The following SMAP2 variants were observed in gnomAD, a reference collection of about 807,000 sequenced individuals.
The protein encoded by SMAP2 is stromal membrane-associated protein 2.
A neutral mutation model predicts 56.4 loss-of-function variants in SMAP2; 25 were observed. The ratio of observed to expected loss-of-function variants is 0.44; its 90% CI spans 0.32 to 0.62. The LOEUF (loss-of-function observed/expected upper bound fraction) is 0.62, where lower values mean the gene tolerates loss of function less well. Among genes scored for constraint, SMAP2 ranks in the 20% least tolerant of loss-of-function variants. The pLI, the probability that SMAP2 is intolerant of heterozygous loss-of-function variation, is 0.04. For synonymous variants in SMAP2, 157 were observed against 181.7 expected (o/e 0.86, Z 1.09); for missense variants, 388 against 545.6 (o/e 0.71, Z 2.88).
Position 40,413,108 on chromosome 1 carries a change from T to C in SMAP2, c.489+6T>C. On this transcript the variant is annotated splice_donor_region_variant and intron_variant, in intron 5 of 9. Coordinates refer to ENST00000372718, the MANE Select transcript of SMAP2 (RefSeq NM_022733.3). ...TTTTTGAGAAGGTGAAAATGGTAAG[T>C]TGGGAAGTATTTGCACTGTATGGAC... is the stretch of plus-strand genomic sequence containing the variant. 1 of 1,610,418 alleles carries C rather than the reference T, an allele frequency of 6.2e-7. No individual in the cohort carries two copies. The highest frequency in any genetic ancestry group is 8.5e-7 in the Non-Finnish European group (1 of 1,176,854).
intron 4 of SMAP2, 89 bp from the exon 5 acceptor site, chr1:40,412,927 G>A: frequency 1.1e-6 from 1 of 940,422 alleles, no homozygotes; most frequent in South Asian, 1.6e-5. Context: ...AGGGATTGGA[G>A]GTGTCCTTTT....
At chr1:40,348,994 T>C (rs965888748) in intron 1 of SMAP2, among the ~76,000 whole-genome samples, 2 of 152,160 alleles carry the variant, frequency 1.3e-5, no homozygotes, top group Non-Finnish European at 2.9e-5. Context: ...GGTCTCAAAC[T>C]CCTGACCTCA....
chr1:40,387,696 C>T lies in SMAP2; in HGVS notation c.103+13473C>T, dbSNP rs550562411. Reference sequence around the variant, plus strand: ...TTGAGAGGTGACAGCGTGCTGGCAGCCCTCACAGCCCTCGCTCGCTCTCGG... The same window carrying T: ...TTGAGAGGTGACAGCGTGCTGGCAGTCCTCACAGCCCTCGCTCGCTCTCGG... On this transcript the variant is annotated intron_variant, in intron 1 of 9. Transcript: ENST00000372718. Among the ~76,000 whole-genome samples, 16 of 152,264 alleles carry T rather than the reference C, an allele frequency of 1.1e-4. No homozygotes were observed. In the East Asian group the frequency reaches 2.9e-3, roughly 28 times the overall value.
At chr1:40,388,612 G>C (rs564067976) in intron 1 of SMAP2, among the ~76,000 whole-genome samples, 2 of 152,244 alleles carry the variant, frequency 1.3e-5, no homozygotes, top group Admixed American at 1.3e-4. Flanking sequence ...TTTGTGTCTA[G>C]CTCAGGGATT....
At chr1:40,413,556 C>T (rs1044513061) in intron 5 of SMAP2, among the ~76,000 whole-genome samples, 3 of 152,166 alleles carry the variant, frequency 2.0e-5, no homozygotes, top group African/African-American at 7.2e-5. Context: ...AACAGACACC[C>T]TTCTTTTTCC....
intron 2 of SMAP2, among the ~76,000 whole-genome samples, chr1:40,407,209 G>C (rs1051108035): frequency 3.9e-5 from 6 of 152,160 alleles, no homozygotes; most frequent in Non-Finnish European, 7.3e-5. Flanking sequence ...TTTTGGTCGG[G>C]CACGGTGGCT....
At chr1:40,376,704 G>A (rs1374880642) in intron 1 of SMAP2, among the ~76,000 whole-genome samples, 1 of 152,134 alleles carries the variant, frequency 6.6e-6, no homozygotes, top group Non-Finnish European at 1.5e-5. Flanking sequence ...ACATTTCATT[G>A]GAGGAGGAAT....
chr1:40,373,504 T>C (rs1210155522), upstream of SMAP2, among the ~76,000 whole-genome samples: 1 of 152,136 alleles, frequency 6.6e-6, no homozygotes, highest in Admixed American at 6.5e-5. Context: ...TTCCCTCCAC[T>C]CCCTTTCTAC....
chr1:40,383,205 C>T (rs57110423), intron 1 of SMAP2, among the ~76,000 whole-genome samples: 1 of 152,136 alleles, frequency 6.6e-6, no homozygotes, highest in Non-Finnish European at 1.5e-5. Context: ...ACTGGTGTCA[C>T]CAAGGGCTGG....
intron 1 of SMAP2, among the ~76,000 whole-genome samples, chr1:40,356,306 C>A (rs1306916839): frequency 2.0e-5 from 3 of 152,176 alleles, no homozygotes; most frequent in Non-Finnish European, 4.4e-5. Context: ...GTGCAGATAT[C>A]CCCTCGATAT....
chr1:40,357,690 C>T (rs182097239), intron 1 of SMAP2, among the ~76,000 whole-genome samples: 160 of 152,148 alleles, frequency 1.1e-3, no homozygotes, highest in Non-Finnish European at 2.0e-3. Context: ...ACTGTTTTTT[C>T]CCCAGTCAAT....
intron 9 of SMAP2, among the ~76,000 whole-genome samples, chr1:40,418,330 C>G (rs1172189175): frequency 6.6e-6 from 1 of 151,904 alleles, no homozygotes; most frequent in Admixed American, 6.6e-5. Flanking sequence ...AGGCATGAAA[C>G]AGCTAAGAGA....
intron 8 of SMAP2, 145 bp from the exon 9 acceptor site, chr1:40,416,635 G>A (rs982864131): frequency 1.1e-6 from 1 of 894,368 alleles, no homozygotes; most frequent in Non-Finnish European, 1.7e-6. Flanking sequence ...GCCTCGTAGG[G>A]ACTCTAACTA....
chr1:40,379,205 C>T (rs1021797117), intron 1 of SMAP2, among the ~76,000 whole-genome samples: 6 of 151,966 alleles, frequency 3.9e-5, no homozygotes, highest in African/African-American at 1.2e-4. Flanking sequence ...CTCCTGGCCT[C>T]GGGTGATCCA....
intron 5 of SMAP2, chr1:40,413,950 A>G: frequency 1.9e-6 from 1 of 527,136 alleles, no homozygotes; most frequent in South Asian, 2.1e-5. Context: ...CACAGGCGAT[A>G]TCTTTGTTTT....
rs1557827673 is a variant in SMAP2, at chr1:40,374,622, TGTGAGA to T, written c.103+401_103+406del. 7.6e-6 allele frequency: 9 copies of T among 1,183,876 alleles called. No homozygotes were observed. The East Asian group carries it at 8.9e-5, about 12-fold the overall frequency. The allele number at this position is 1,183,876 out of a possible 1,614,324, so 73.3% of individuals were successfully genotyped here. On this transcript the variant is annotated intron_variant, in intron 1 of 9. Coordinates refer to ENST00000372718, the MANE Select transcript of SMAP2 (RefSeq NM_022733.3). This position sits in a 1 kb window ranked among gnomAD's most constrained non-coding sequence, Gnocchi z 5.9. ...GTGTGTGTGTGTGTGTGTGTGTGTG[TGTGAGA>T]GAGAGAGAGAGAGAATGACGAGGAG...
At chr1:40,345,111 G>A (rs12094918) in intron 1 of SMAP2, among the ~76,000 whole-genome samples, 117,011 of 151,890 alleles carry the variant, frequency 0.77, 45,419 homozygotes, top group East Asian at 0.95. Flanking sequence ...ATTTGTAAAA[G>A]GCAAAATAAG....
At chr1:40,413,179 C>A in intron 5 of SMAP2, 77 bp downstream of exon 5, 1 of 1,075,694 alleles carries the variant, frequency 9.3e-7, no homozygotes. Context: ...TAGGAGGTCT[C>A]GTGGTGAGTA....
At position 40,414,197 on chromosome 1, in the gene SMAP2, C is replaced by T; in HGVS notation, c.528C>T (p.Ser176=). 2 of 1,614,230 alleles carry T rather than the reference C, an allele frequency of 1.2e-6. No homozygotes were observed. The highest frequency in any genetic ancestry group is 1.7e-6 in the Non-Finnish European group (2 of 1,180,036). Reference sequence around the variant, plus strand: ...AAGACCCACAGCTACCTCGGAAAAGCTCCCCGAAATCCACAGCGCCTGTCA... The same window carrying T: ...AAGACCCACAGCTACCTCGGAAAAGTTCCCCGAAATCCACAGCGCCTGTCA... The part of the protein sequence containing the change: ...KKEDPQLPRK[S]SPKSTAPVMD... The change falls in exon 6 of 10, where the codon AGC becomes AGT. Residue 176 remains serine, a synonymous_variant. Transcript: ENST00000372718.
Sources: allele counts gnomAD v4.1 joint callset (sites outside exome capture counted in the v4.1 genomes callset), GRCh38; gene constraint gnomAD v4.1.1; non-coding constraint Gnocchi (gnomAD v3.1); transcripts MANE v1.5; gene names NCBI Gene and HGNC (gene_info 2026-07-23, HGNC 2026-07-21).